The following SIK3 variants were observed in gnomAD, a reference collection of about 807,000 sequenced individuals.
SIK3 encodes the protein serine/threonine-protein kinase SIK3.
SIK3 carries 28 observed loss-of-function variants against 144.2 expected under a neutral mutation model. The ratio of observed to expected loss-of-function variants is 0.19; its 90% CI spans 0.14 to 0.27. SIK3 has a LOEUF of 0.27. SIK3 is among the 10% of genes least tolerant of loss of function. The pLI is 1.00. For missense variants in SIK3, 1,319 were observed against 1,776.0 expected, an observed-to-expected ratio of 0.74 and a Z score of 4.62; for synonymous variants, 686 against 676.3, an observed-to-expected ratio of 1.01 and a Z score of -0.22.
chr11:117,042,016 T>A (rs903996493), intron 1 of SIK3, among the ~76,000 whole-genome samples: 1 of 152,188 alleles, frequency 6.6e-6, no homozygotes, highest in African/African-American at 2.4e-5. Context: ...TTTTGTCCCA[T>A]GTACTCATGT....
chr11:116,983,305 A>G (rs10128570), intron 1 of SIK3, among the ~76,000 whole-genome samples: 10,985 of 151,030 alleles, frequency 0.073, 491 homozygotes, highest in African/African-American at 0.11. Flanking sequence ...GCTGAGGTGG[A>G]TGGATCACTT....
intron 6 of SIK3, among the ~76,000 whole-genome samples, chr11:116,889,971 C>A (rs573849835): frequency 6.6e-6 from 1 of 152,260 alleles, no homozygotes; most frequent in African/African-American, 2.4e-5. Flanking sequence ...GATATTACTA[C>A]TGATATTATG....
At position 117,025,632 on chromosome 11, in the gene SIK3, G is replaced by A. The variant is rs192916564; in HGVS notation, c.274-68568C>T. 1.1e-4 allele frequency among the ~76,000 whole-genome samples: 17 copies of A among 152,120 alleles called. No individual in the cohort carries two copies. The East Asian group carries it at 2.9e-3, about 26-fold the overall frequency. On this transcript the variant is annotated intron_variant, in intron 1 of 24. Transcript: ENST00000445177. ...TTTGGTAGAAACAGAGTTTCACCAT[G>A]TTGTCCAGGCTGGTCTTGAACTCCT... is the stretch of plus-strand genomic sequence containing the variant.
chr11:116,848,067 C>T (rs909744643), intron 22 of SIK3, among the ~76,000 whole-genome samples: 2 of 152,180 alleles, frequency 1.3e-5, no homozygotes, highest in African/African-American at 4.8e-5. Flanking sequence ...GTAATCCCAG[C>T]ACTTTGGGAG....
At chr11:116,895,093 T>C (rs1945324747) in intron 6 of SIK3, among the ~76,000 whole-genome samples, 2 of 152,330 alleles carry the variant, frequency 1.3e-5, no homozygotes, top group South Asian at 2.1e-4. Flanking sequence ...ATCTAAAGTC[T>C]TTACATTAAC....
At chr11:116,889,419 T>C (rs770517627) in intron 6 of SIK3, among the ~76,000 whole-genome samples, 19 of 151,492 alleles carry the variant, frequency 1.3e-4, no homozygotes, top group Non-Finnish European at 2.4e-4. Context: ...TTTAAAAAAT[T>C]AGCTTGGAAT....
chr11:117,040,730 G>C (rs1443855525), intron 1 of SIK3, among the ~76,000 whole-genome samples: 3 of 152,034 alleles, frequency 2.0e-5, no homozygotes, highest in Non-Finnish European at 4.4e-5. Flanking sequence ...GAATAAACCT[G>C]GGAATGTAGA....
At chr11:116,935,559 T>C (rs1947871396) in intron 3 of SIK3, among the ~76,000 whole-genome samples, 1 of 152,160 alleles carries the variant, frequency 6.6e-6, no homozygotes, top group South Asian at 2.1e-4. Flanking sequence ...CAGGTAGGCT[T>C]TGAAATAGAA....
intron 1 of SIK3, among the ~76,000 whole-genome samples, chr11:116,974,960 A>ATC (rs1239448454): frequency 6.6e-6 from 1 of 152,160 alleles, no homozygotes; most frequent in Non-Finnish European, 1.5e-5. Context: ...AATAGTATCC[A>ATC]TCTCTCCTCT....
Position 116,844,642 on chromosome 11 carries a change from A to ATATATATAATATATATATAATATATAAAT in SIK3, c.*1000_*1001insATTTATATATTATATATATATTATATATA, listed in dbSNP as rs1565345727. ...TAATATATATATAATATATTATATT[A>ATATATATAATATATATATAATATATAAAT]TATATTATATATATAATATATATAT... On this transcript the variant is annotated 3_prime_UTR_variant, in exon 25 of 25. Transcript: ENST00000445177. 1.3e-5 allele frequency: 1 copy of ATATATATAATATATATATAATATATAAAT among 79,496 alleles called. No individual in the cohort carries two copies. Among genetic ancestry groups the ATATATATAATATATATATAATATATAAAT allele is most frequent in the Non-Finnish European group, 2.0e-5 (1 of 50,154 alleles). 4.9% of individuals were successfully genotyped at this position (79,496 alleles called of 1,614,324 possible).
chr11:116,982,379 C>T (rs548957910), intron 1 of SIK3, among the ~76,000 whole-genome samples: 41 of 151,914 alleles, frequency 2.7e-4, no homozygotes, highest in African/African-American at 9.7e-4. Context: ...ACCTCCACCT[C>T]CTGGGTTCAA....
intron 3 of SIK3, among the ~76,000 whole-genome samples, chr11:116,944,153 T>C (rs1039289453): frequency 3.9e-5 from 6 of 152,132 alleles, no homozygotes; most frequent in African/African-American, 7.2e-5. Flanking sequence ...TTGCGTTTAA[T>C]AGAAAAATAT....
At chr11:116,990,516 T>C (rs1035973196) in intron 1 of SIK3, among the ~76,000 whole-genome samples, 1 of 152,166 alleles carries the variant, frequency 6.6e-6, no homozygotes, top group Non-Finnish European at 1.5e-5. Context: ...ACAGTGCAAA[T>C]TACTTTATTG....
At chr11:116,903,455 G>GA (rs1945844981) in intron 4 of SIK3, among the ~76,000 whole-genome samples, 1 of 152,018 alleles carries the variant, frequency 6.6e-6, no homozygotes, top group Non-Finnish European at 1.5e-5. Flanking sequence ...TAGACAACTG[G>GA]AAAAAATTGA....
chr11:116,868,513 C>T (rs756774187), intron 14 of SIK3, among the ~76,000 whole-genome samples: 6 of 152,214 alleles, frequency 3.9e-5, no homozygotes, highest in Admixed American at 6.5e-5. Flanking sequence ...TTCAGAAGGA[C>T]TCTGTGCATG....
intron 11 of SIK3, among the ~76,000 whole-genome samples, chr11:116,874,398 G>C (rs1944133647): frequency 6.6e-6 from 1 of 152,186 alleles, no homozygotes; most frequent in South Asian, 2.1e-4. Context: ...CATCCACTAA[G>C]ATAATGGCTG....
chr11:116,854,601 AC>A (rs1474892352), intron 21 of SIK3, among the ~76,000 whole-genome samples: 2 of 152,118 alleles, frequency 1.3e-5, no homozygotes, highest in East Asian at 3.9e-4. Flanking sequence ...CTTGTGCAAC[AC>A]AGTTGAGATG....
intron 22 of SIK3, 45 bp from the exon 23 acceptor site, chr11:116,847,653 C>A (rs1400832559): frequency 6.2e-7 from 1 of 1,611,486 alleles, no homozygotes; most frequent in Non-Finnish European, 8.5e-7. Flanking sequence ...CAAGACACCA[C>A]TCTCAGGCAA....
At chr11:116,915,158 G>A (rs1254708201) in intron 4 of SIK3, among the ~76,000 whole-genome samples, 1 of 148,670 alleles carries the variant, frequency 6.7e-6, no homozygotes, top group Non-Finnish European at 1.5e-5. Flanking sequence ...GTGTGTGTGT[G>A]TGTATGTGTA....
Sources: allele counts gnomAD v4.1 joint callset (sites outside exome capture counted in the v4.1 genomes callset), GRCh38; gene constraint gnomAD v4.1.1; transcripts MANE v1.5; gene names NCBI Gene and HGNC (gene_info 2026-07-23, HGNC 2026-07-21).